Variants in ARFGEF1 observed in about 807,000 individuals in gnomAD.
ARFGEF1 encodes brefeldin A-inhibited guanine nucleotide-exchange protein 1.
A neutral mutation model predicts 231.0 loss-of-function variants in ARFGEF1; 42 were observed. The observed-to-expected ratio is 0.18, with a 90% CI of 0.14 to 0.24. The LOEUF (loss-of-function observed/expected upper bound fraction) is 0.24. ARFGEF1 is among the 10% of genes least tolerant of loss of function. ARFGEF1 has a pLI of 1.00. For missense variants in ARFGEF1, 1,345 were observed against 2,192.0 expected, an observed-to-expected ratio of 0.61 and a Z score of 7.72; for synonymous variants, 710 against 732.3, an observed-to-expected ratio of 0.97 and a Z score of 0.49.
Position 67,211,488 on chromosome 8 carries a change from G to A in ARFGEF1, c.4814C>T (p.Thr1605Ile). 4.5e-6 allele frequency: 7 copies of A among 1,570,668 alleles called. No homozygotes were observed. Among genetic ancestry groups the A allele is most frequent in the African/African-American group, 1.4e-5 (1 of 72,626 alleles). Reference protein sequence around the residue: ...VNEEVSKIKSTAKFPEQKLFA... With the variant: ...VNEEVSKIKSIAKFPEQKLFA... ...TATTTAGAGAAATAACTCACTTGCT[G>A]TAGATTTAATTTTGCTGACTTCTTC... The change falls in exon 34 of 39, where the codon ACA becomes ATA. Residue 1605 changes from threonine to isoleucine, a missense_variant. Around this residue, in one of 14 missense-constraint regions of ARFGEF1, gnomAD observed 89 missense variants for 74.8 expected, o/e 1.19. Coordinates refer to ENST00000262215, the MANE Select transcript of ARFGEF1 (RefSeq NM_006421.5).
intron 19 of ARFGEF1, among the ~76,000 whole-genome samples, chr8:67,242,903 G>A (rs1442424574): frequency 6.6e-6 from 1 of 152,198 alleles, no homozygotes. Context: ...GCCTGTGGTG[G>A]TGATGGCCAC....
rs760949216 is a variant in ARFGEF1 at position 67,267,241 on chromosome 8, A to G, written c.1673-11T>C. ...CTACACTCTGAGCATCTGTAACAAT[A>G]TAACATTAATTTCAACAAAGTACAT... On this transcript the variant is annotated splice_polypyrimidine_tract_variant and intron_variant, in intron 11 of 38. Transcript: ENST00000262215. 2 of 1,610,122 alleles carry G rather than the reference A, an allele frequency of 1.2e-6. No individual in the cohort carries two copies. The highest frequency in any genetic ancestry group is 8.5e-7 in the Non-Finnish European group (1 of 1,178,508).
chr8:67,206,760 T>A (rs1034856889), intron 34 of ARFGEF1, among the ~76,000 whole-genome samples: 2 of 152,230 alleles, frequency 1.3e-5, no homozygotes, highest in Non-Finnish European at 2.9e-5. Flanking sequence ...GGGGCAGCTT[T>A]GGCAGGAAGC....
intron 1 of ARFGEF1, among the ~76,000 whole-genome samples, chr8:67,316,131 A>G (rs1807304898): frequency 2.0e-5 from 3 of 152,218 alleles, no homozygotes; most frequent in African/African-American, 7.2e-5. Context: ...ATTAAGAGGG[A>G]CTAGGTGCAA....
intron 29 of ARFGEF1, among the ~76,000 whole-genome samples, chr8:67,222,742 G>A (rs1839242551): frequency 6.6e-6 from 1 of 151,960 alleles, no homozygotes. Context: ...TGGCCACCAT[G>A]CCTGGCCAAA....
chr8:67,196,243 TTTTTA>T (rs1030989079), downstream of ARFGEF1: 3 of 152,216 alleles, frequency 2.0e-5, no homozygotes, highest in African/African-American at 7.2e-5. Context: ...TATAAATAAA[TTTTTA>T]TTTTAATTAC....
chr8:67,207,774 C>T (rs549513704), intron 34 of ARFGEF1, among the ~76,000 whole-genome samples: 2 of 152,322 alleles, frequency 1.3e-5, no homozygotes, highest in South Asian at 4.1e-4. Context: ...AGGAAGAGGG[C>T]TCATGGGAGC....
intron 14 of ARFGEF1, 26 bp downstream of exon 14, chr8:67,265,980 A>T (rs773680292): frequency 2.5e-6 from 4 of 1,608,716 alleles, no homozygotes; most frequent in Non-Finnish European, 3.4e-6. Flanking sequence ...ATTCAATAAC[A>T]TTTCTCCTTA....
intron 38 of ARFGEF1, 47 bp downstream of exon 38, chr8:67,200,349 C>T (rs368544655): frequency 1.5e-5 from 20 of 1,377,618 alleles, no homozygotes; most frequent in East Asian, 2.3e-5. Flanking sequence ...CATCCCAATG[C>T]GAATTGGGCT....
At chr8:67,309,751 T>C (rs1217072586) in intron 1 of ARFGEF1, among the ~76,000 whole-genome samples, 1 of 152,238 alleles carries the variant, frequency 6.6e-6, no homozygotes, top group Non-Finnish European at 1.5e-5. Context: ...CTAGCCTCTT[T>C]TGTCAAACAA....
intron 6 of ARFGEF1, among the ~76,000 whole-genome samples, chr8:67,290,509 T>G (rs1471377546): frequency 1.3e-5 from 2 of 152,246 alleles, no homozygotes; most frequent in African/African-American, 4.8e-5. Flanking sequence ...TCACATATTA[T>G]ACCTTATTTA....
rs760454209 is a variant in ARFGEF1, at chr8:67,296,445, T to C, written c.625A>G (p.Met209Val). The C allele has an allele frequency of 1.2e-6, 2 of 1,613,948 alleles. No homozygotes were observed. Among genetic ancestry groups the C allele is most frequent in the Non-Finnish European group, 1.7e-6 (2 of 1,179,916 alleles). ...AAAATACTTACTGCTTGGTTTTCCATGCGTGCAAAGATAACATTTAGCATC... is the reference window on the plus strand; with the variant it reads ...AAAATACTTACTGCTTGGTTTTCCACGCGTGCAAAGATAACATTTAGCATC... Reference protein sequence around the residue: ...TQMLNVIFARMENQALQEAKQ... With the variant: ...TQMLNVIFARVENQALQEAKQ... Residue 209 changes from methionine to valine, a missense_variant, in exon 5 of 39, where the codon ATG (methionine) becomes GTG (valine). Transcript: ENST00000262215.
intron 23 of ARFGEF1, among the ~76,000 whole-genome samples, chr8:67,231,349 T>G (rs1391637334): frequency 6.6e-6 from 1 of 152,132 alleles, no homozygotes; most frequent in Non-Finnish European, 1.5e-5. Context: ...ATTGGATTTA[T>G]GTTTTTAGAA....
intron 1 of ARFGEF1, among the ~76,000 whole-genome samples, chr8:67,315,407 T>C (rs528629142): frequency 2.0e-5 from 3 of 152,246 alleles, no homozygotes; most frequent in African/African-American, 7.2e-5. Context: ...CGGCAGGGTA[T>C]AAATTTATAG....
intron 1 of ARFGEF1, among the ~76,000 whole-genome samples, chr8:67,314,975 C>T (rs1807238206): frequency 6.6e-6 from 1 of 152,114 alleles, no homozygotes; most frequent in Non-Finnish European, 1.5e-5. Context: ...GCTGTGATCA[C>T]ACCACTGCAC....
rs533701936 is a variant in ARFGEF1, at chr8:67,273,876, C to A, written c.1338-1940G>T. ...CAAGGCTTACACACTACTTCCTATTCTAGCTCACATTTATCACCTATTATG... is the reference window on the plus strand; with the variant it reads ...CAAGGCTTACACACTACTTCCTATTATAGCTCACATTTATCACCTATTATG... On this transcript the variant is annotated intron_variant, in intron 9 of 38. Transcript: ENST00000262215. 2.0e-5 allele frequency among the ~76,000 whole-genome samples: 3 copies of A among 152,274 alleles called. No homozygotes were observed. In the South Asian group the frequency reaches 6.2e-4, roughly 32 times the overall value.
At chr8:67,204,954 T>G (rs1283958094) in intron 34 of ARFGEF1, 135 bp from the exon 35 acceptor site, 1 of 1,049,904 alleles carries the variant, frequency 9.5e-7, no homozygotes, top group Non-Finnish European at 1.4e-6. Context: ...ATACTGCTTT[T>G]GCACACAGGC....
At chr8:67,300,907 G>A (rs1460088367) in intron 3 of ARFGEF1, among the ~76,000 whole-genome samples, 1 of 151,458 alleles carries the variant, frequency 6.6e-6, no homozygotes, top group African/African-American at 2.4e-5. Flanking sequence ...GGTGATGTAT[G>A]TAAAGTCGGC....
chr8:67,271,025 C>CAA (rs36063944), intron 10 of ARFGEF1, among the ~76,000 whole-genome samples: 8 of 36,092 alleles, frequency 2.2e-4, no homozygotes, highest in African/African-American at 2.1e-4. Context: ...ACTCCATCTC[C>CAA]AAAAAAAAAA....
Sources: gnomAD v4.1 joint callset for allele counts (sites outside exome capture counted in the v4.1 genomes callset) on GRCh38, gnomAD v4.1.1 for gene constraint, gnomAD v4.1.1 regional missense constraint, MANE v1.5 for transcripts, NCBI Gene and HGNC (gene_info 2026-07-23, HGNC 2026-07-21) for gene names.